The following SYNPR variants were observed in gnomAD, a reference collection of about 807,000 sequenced individuals.
SYNPR encodes synaptoporin.
A neutral mutation model predicts 32.9 loss-of-function variants in SYNPR; 23 were observed. The observed-to-expected ratio is 0.70, with a 90% CI of 0.50 to 0.99. The LOEUF is 0.99. Among genes scored for constraint, SYNPR ranks in the 50% least tolerant of loss-of-function variants. SYNPR has a pLI of 0.00. For synonymous variants in SYNPR, 146 were observed against 135.9 expected, an observed-to-expected ratio of 1.07 and a Z score of -0.52; for missense variants, 318 against 349.3, an observed-to-expected ratio of 0.91 and a Z score of 0.71.
intron 2 of SYNPR, among the ~76,000 whole-genome samples, chr3:63,315,663 A>G (rs1260687098): frequency 6.6e-6 from 1 of 151,996 alleles, no homozygotes; most frequent in Non-Finnish European, 1.5e-5. Context: ...TTTTCAAGGT[A>G]AACAATCATA....
At chr3:63,260,413 G>A (rs922258440) in intron 2 of SYNPR, among the ~76,000 whole-genome samples, 2 of 152,052 alleles carry the variant, frequency 1.3e-5, no homozygotes, top group South Asian at 2.1e-4. Context: ...CAGAAATAAC[G>A]CCACATATCT....
chr3:63,452,046 T>C (rs1347812342), intron 2 of SYNPR: 3 of 701,278 alleles, frequency 4.3e-6, no homozygotes, highest in Non-Finnish European at 7.8e-6. Context: ...TTTTTTTCTC[T>C]TTCTCCCACT....
At chr3:63,404,262 T>C (rs777117612) in intron 2 of SYNPR, among the ~76,000 whole-genome samples, 4 of 152,192 alleles carry the variant, frequency 2.6e-5, no homozygotes, top group Non-Finnish European at 5.9e-5. Flanking sequence ...ATCTAGAATG[T>C]GATGTGAATG....
intron 1 of SYNPR, among the ~76,000 whole-genome samples, chr3:63,246,051 G>A (rs72878220): frequency 0.077 from 11,764 of 151,984 alleles, 1,319 homozygotes; most frequent in African/African-American, 0.25. Flanking sequence ...CATTTCTTAG[G>A]ATAAGTGCCT....
At chr3:63,237,873 G>A (rs569848566) in intron 1 of SYNPR, among the ~76,000 whole-genome samples, 1 of 152,052 alleles carries the variant, frequency 6.6e-6, no homozygotes, top group Non-Finnish European at 1.5e-5. Context: ...CTGGCCTCAG[G>A]TGTCTCTGGG....
At chr3:63,417,667 C>A (rs1395370496) in intron 2 of SYNPR, among the ~76,000 whole-genome samples, 1 of 152,190 alleles carries the variant, frequency 6.6e-6, no homozygotes, top group Non-Finnish European at 1.5e-5. Context: ...GTTTCCAAAC[C>A]CCAATTCTTG....
intron 4 of SYNPR, among the ~76,000 whole-genome samples, chr3:63,595,951 T>TATATATATAATTTTA (rs1559546753): frequency 0.14 from 15,961 of 115,444 alleles, 1,782 homozygotes; most frequent in South Asian, 0.3. Context: ...ATATATAGTT[T>TATATATATAATTTTA]TATATATATA....
chr3:63,545,231 A>T (rs1702379633), intron 3 of SYNPR, among the ~76,000 whole-genome samples: 1 of 152,232 alleles, frequency 6.6e-6, no homozygotes, highest in South Asian at 2.1e-4. Context: ...ATGTTGGACA[A>T]AATGTAAAAT....
At chr3:63,606,468 G>T (rs1700123920) in intron 4 of SYNPR, among the ~76,000 whole-genome samples, 1 of 118,958 alleles carries the variant, frequency 8.4e-6, no homozygotes, top group Non-Finnish European at 1.7e-5. Flanking sequence ...TGTTGCCCAG[G>T]CTGAACTGGC....
intron 4 of SYNPR, among the ~76,000 whole-genome samples, chr3:63,589,332 A>G (rs184319204): frequency 6.6e-6 from 1 of 152,234 alleles, no homozygotes; most frequent in Admixed American, 6.6e-5. Flanking sequence ...ATATGCAATT[A>G]TGCATTCTTT....
At chr3:63,244,456 G>A (rs946480644) in intron 1 of SYNPR, among the ~76,000 whole-genome samples, 2 of 152,080 alleles carry the variant, frequency 1.3e-5, no homozygotes, top group Non-Finnish European at 2.9e-5. Flanking sequence ...TGTGAATTGA[G>A]TAGAGATGCT....
intron 2 of SYNPR, among the ~76,000 whole-genome samples, chr3:63,466,714 G>A (rs959709918): frequency 2.2e-5 from 3 of 134,276 alleles, no homozygotes; most frequent in African/African-American, 1.1e-4. Context: ...AGCTGAAGGT[G>A]CTAAGGCCTC....
Position 63,435,476 on chromosome 3 carries a change from A to G in SYNPR, c.85-45356A>G, listed in dbSNP as rs549145638. 7.9e-5 allele frequency among the ~76,000 whole-genome samples: 12 copies of G among 152,352 alleles called. No individual in the cohort carries two copies. In the East Asian group the frequency reaches 9.7e-4, roughly 12 times the overall value. On this transcript the variant is annotated intron_variant, in intron 2 of 5. Transcript: ENST00000478300. The stretch of plus-strand genomic sequence containing the variant: ...CTCCACAGTTTTTCATTTAAGATCT[A>G]AAACATTTTGTTCAAATGCAGTCAT...
chr3:63,402,597 G>A (rs2088307080), intron 2 of SYNPR, among the ~76,000 whole-genome samples: 1 of 152,148 alleles, frequency 6.6e-6, no homozygotes, highest in Non-Finnish European at 1.5e-5. Context: ...GCATAGCTAG[G>A]ATGACTCCAA....
the SYNPR span, among the ~76,000 whole-genome samples, chr3:63,205,976 G>A: frequency 1.2e-4 from 19 of 152,176 alleles, no homozygotes; most frequent in Non-Finnish European, 2.5e-4. Context: ...GGTTCAGGAA[G>A]TTTATAGCAA....
At chr3:63,510,710 T>C (rs1701680335) in intron 3 of SYNPR, among the ~76,000 whole-genome samples, 1 of 152,206 alleles carries the variant, frequency 6.6e-6, no homozygotes, top group Non-Finnish European at 1.5e-5. Flanking sequence ...TTTTGTTTAC[T>C]CTCCTTGTAA....
At chr3:63,409,545 C>T (rs1575629909) in intron 2 of SYNPR, among the ~76,000 whole-genome samples, 1 of 152,148 alleles carries the variant, frequency 6.6e-6, no homozygotes, top group African/African-American at 2.4e-5. Context: ...TGAAGATGTA[C>T]AGTGAGGACC....
intron 2 of SYNPR, among the ~76,000 whole-genome samples, chr3:63,408,352 G>GAAAGAAAGAAAGAAAAGAAAAGA (rs2088415425): frequency 6.8e-6 from 1 of 147,164 alleles, no homozygotes; most frequent in African/African-American, 2.6e-5. Flanking sequence ...AAGAAAGAAA[G>GAAAGAAAGAAAGAAAAGAAAAGA]AAAGAAAGAA....
intron 2 of SYNPR, among the ~76,000 whole-genome samples, chr3:63,439,007 C>G (rs1191403504): frequency 1.3e-5 from 2 of 151,434 alleles, no homozygotes; most frequent in South Asian, 4.2e-4. Context: ...CACTGGCCAG[C>G]AGACAGGCCT....
Sources: allele counts gnomAD v4.1 joint callset (sites outside exome capture counted in the v4.1 genomes callset), GRCh38; gene constraint gnomAD v4.1.1; transcripts MANE v1.5; gene names NCBI Gene and HGNC (gene_info 2026-07-23, HGNC 2026-07-21).